The following SEMA5A variants were observed in gnomAD, a reference collection of about 807,000 sequenced individuals.
The protein encoded by SEMA5A is semaphorin 5A.
A neutral mutation model predicts 135.5 loss-of-function variants in SEMA5A; 55 were observed. The observed-to-expected ratio is 0.41, with a 90% CI of 0.33 to 0.51. The LOEUF (loss-of-function observed/expected upper bound fraction) is 0.51. Ranked by LOEUF, SEMA5A falls within the 20% of genes least tolerant of loss-of-function variation. The pLI, the probability that SEMA5A is intolerant of heterozygous loss-of-function variation, is 0.37. For synonymous variants in SEMA5A, 580 were observed against 546.5 expected (o/e 1.06, Z -0.85); for missense variants, 1,290 against 1,419.9 (o/e 0.91, Z 1.47).
chr5:9,279,662 C>T (rs544322891), intron 5 of SEMA5A, among the ~76,000 whole-genome samples: 5 of 152,202 alleles, frequency 3.3e-5, no homozygotes, highest in African/African-American at 1.2e-4. Flanking sequence ...GCAGATTTCC[C>T]CCTTGCTGTT....
Position 9,042,800 on chromosome 5 carries a change from C to G in SEMA5A, c.*97G>C. On this transcript the variant is annotated 3_prime_UTR_variant, in exon 23 of 23. Transcript: ENST00000382496. The stretch of plus-strand genomic sequence containing the variant: ...GGCTTGAAATGCACTTGAAATGTAT[C>G]CAAACTTCGACTCTGAAGCCTCAGA... 1 of 1,469,034 alleles carries G rather than the reference C, an allele frequency of 6.8e-7. No individual in the cohort carries two copies. The highest frequency in any genetic ancestry group is 1.9e-5 in the Admixed American group (1 of 53,414). 91.0% of individuals were successfully genotyped at this position (1,469,034 alleles called of 1,614,324 possible).
At chr5:9,457,155 T>C (rs1249606052) in intron 1 of SEMA5A, among the ~76,000 whole-genome samples, 2 of 152,198 alleles carry the variant, frequency 1.3e-5, no homozygotes, top group East Asian at 1.9e-4. Flanking sequence ...ATTCAATGTC[T>C]GAATGTGCAA....
In SEMA5A at chr5:9,543,780, A is replaced by G. The variant is rs141904257; in HGVS notation, c.-175+1804T>C. 3.1e-3 allele frequency among the ~76,000 whole-genome samples: 465 copies of G among 152,208 alleles called. 10 individuals carry two copies. Among genetic ancestry groups the G allele is most frequent in the East Asian group, 4.8e-3 (25 of 5,176 alleles). On this transcript the variant is annotated intron_variant, in intron 1 of 22. Coordinates refer to ENST00000382496, the MANE Select transcript of SEMA5A (RefSeq NM_003966.3). ...TTTACAAGAAAGAAACTCAAGGGAA[A>G]AAACATCTGTGTTTCAAGTGAACCA...
At chr5:9,069,749 T>C (rs551293476) in intron 16 of SEMA5A, among the ~76,000 whole-genome samples, 89 of 152,344 alleles carry the variant, frequency 5.8e-4, no homozygotes, top group Non-Finnish European at 1.1e-3. Flanking sequence ...ACTAGAAAGA[T>C]AGATGACTTC....
intron 2 of SEMA5A, among the ~76,000 whole-genome samples, chr5:9,395,561 G>A (rs268489): frequency 0.38 from 58,158 of 152,010 alleles, 11,671 homozygotes; most frequent in East Asian, 0.52. Context: ...GATAAACTAT[G>A]TTATCCAAAG....
At chr5:9,378,317 A>C (rs888755876) in intron 3 of SEMA5A, among the ~76,000 whole-genome samples, 10 of 152,322 alleles carry the variant, frequency 6.6e-5, no homozygotes, top group Non-Finnish European at 1.0e-4. Context: ...GATAGTTTAT[A>C]TAGAAGTATT....
chr5:9,270,361 A>C (rs2150537043), intron 5 of SEMA5A, among the ~76,000 whole-genome samples: 1 of 152,148 alleles, frequency 6.6e-6, no homozygotes, highest in African/African-American at 2.4e-5. Context: ...GCATGACTAC[A>C]TATTGAGTCC....
At chr5:9,345,370 G>A (rs1579382097) in intron 3 of SEMA5A, among the ~76,000 whole-genome samples, 2 of 152,066 alleles carry the variant, frequency 1.3e-5, no homozygotes, top group African/African-American at 4.8e-5. Flanking sequence ...CACCTGCCCT[G>A]GCAGCCTTGG....
chr5:9,132,943 T>C (rs1038443953), intron 13 of SEMA5A, among the ~76,000 whole-genome samples: 8 of 152,260 alleles, frequency 5.3e-5, no homozygotes, highest in Admixed American at 2.6e-4. Flanking sequence ...TACGTAGAAG[T>C]AGGTAACAGT....
At chr5:9,132,698 C>T (rs1319389334) in intron 13 of SEMA5A, among the ~76,000 whole-genome samples, 2 of 152,152 alleles carry the variant, frequency 1.3e-5, no homozygotes, top group African/African-American at 2.4e-5. Context: ...TGTCATTGAT[C>T]CAAGGTTTGT....
At chr5:9,203,153 G>A (rs981830822) in intron 8 of SEMA5A, among the ~76,000 whole-genome samples, 9 of 152,158 alleles carry the variant, frequency 5.9e-5, no homozygotes, top group Non-Finnish European at 1.2e-4. Flanking sequence ...CACATACTCC[G>A]TAATATTTGC....
chr5:9,477,103 C>T (rs1469234373), intron 1 of SEMA5A, among the ~76,000 whole-genome samples: 1 of 152,000 alleles, frequency 6.6e-6, no homozygotes, highest in Non-Finnish European at 1.5e-5. Flanking sequence ...GTGATTCTTT[C>T]TCCTTCTCAT....
chr5:9,314,056 T>G (rs936785600), intron 5 of SEMA5A, among the ~76,000 whole-genome samples: 6 of 152,332 alleles, frequency 3.9e-5, no homozygotes, highest in African/African-American at 1.2e-4. Context: ...GTCTCCAGTT[T>G]TCTTGAAATT....
At chr5:9,200,819 G>C (rs1011012471) in intron 9 of SEMA5A, among the ~76,000 whole-genome samples, 3 of 152,152 alleles carry the variant, frequency 2.0e-5, no homozygotes, top group African/African-American at 7.2e-5. Flanking sequence ...TCATGGGCAG[G>C]CATCTGATGC....
chr5:9,319,593 G>A (rs1162537062), intron 4 of SEMA5A, among the ~76,000 whole-genome samples: 1 of 152,028 alleles, frequency 6.6e-6, no homozygotes. Context: ...ATGGGGCGGG[G>A]ATGTGCACCA....
In SEMA5A at chr5:9,364,572, T is replaced by C. The variant is rs545869427; in HGVS notation, c.124+15251A>G. ...GTTTCAAATAAACAGCTTATCAATA[T>C]CAAATATTATTTAATCAGACCAAAG... On this transcript the variant is annotated intron_variant, in intron 3 of 22. Transcript: ENST00000382496. Among the ~76,000 whole-genome samples the C allele has an allele frequency of 2.6e-5, 4 of 152,288 alleles. No individual in the cohort carries two copies. The East Asian group carries it at 7.7e-4, about 29-fold the overall frequency.
chr5:9,138,852 C>T (rs763236453), intron 12 of SEMA5A, among the ~76,000 whole-genome samples: 7 of 152,162 alleles, frequency 4.6e-5, no homozygotes, highest in African/African-American at 1.4e-4. Context: ...TGAGAACATG[C>T]GACGTTTGCT....
chr5:9,214,784 C>G (rs914173300), intron 8 of SEMA5A, among the ~76,000 whole-genome samples: 1 of 152,196 alleles, frequency 6.6e-6, no homozygotes, highest in African/African-American at 2.4e-5. Flanking sequence ...TGAGAGCACT[C>G]ATTTCTGCCA....
In SEMA5A at chr5:9,076,868, T is replaced by TTGTGTGTGTGTGTGTG. The variant is rs70943938; in HGVS notation, c.2074-10238_2074-10223dup. 8.5e-4 allele frequency among the ~76,000 whole-genome samples: 122 copies of TTGTGTGTGTGTGTGTG among 144,096 alleles called. 1 individual carries two copies. The highest frequency in any genetic ancestry group is 2.4e-3 in the African/African-American group (94 of 39,336). The allele number at this position is 144,096 out of a possible 152,430, so 94.5% of individuals were successfully genotyped here. A position where few individuals can be genotyped will look rare whatever the true frequency, so the allele number is the denominator to read the frequency against. ...GTGCATTGACTATGCATTACGATCTTTGTGTGTGTGTGTGTGTGTGTGTGT... is the reference window on the plus strand; with the variant it reads ...GTGCATTGACTATGCATTACGATCTTTGTGTGTGTGTGTGTGTGTGTGTGTGTGTGTGTGTGTGTGT... On this transcript the variant is annotated intron_variant, in intron 16 of 22. Coordinates refer to ENST00000382496, the MANE Select transcript of SEMA5A (RefSeq NM_003966.3).
Sources: allele counts gnomAD v4.1 joint callset (sites outside exome capture counted in the v4.1 genomes callset), GRCh38; gene constraint gnomAD v4.1.1; transcripts MANE v1.5; gene names NCBI Gene and HGNC (gene_info 2026-07-23, HGNC 2026-07-21).